CPM: variants seen among roughly 807,000 people sequenced by gnomAD.
CPM encodes the protein renal carboxypeptidase.
A neutral mutation model predicts 46.4 loss-of-function variants in CPM; 35 were observed. The observed-to-expected ratio is 0.75, with a 90% CI of 0.58 to 1.00. CPM has a LOEUF of 1.00. Ranked by LOEUF, CPM falls within the 50% of genes least tolerant of loss-of-function variation. The pLI is 0.00. For synonymous variants in CPM, 195 were observed against 195.3 expected (o/e 1.00, Z 0.01); for missense variants, 422 against 530.4 (o/e 0.80, Z 2.01).
intron 5 of CPM, 134 bp from the exon 6 acceptor site, chr12:68,869,629 C>A: frequency 1.4e-6 from 1 of 734,708 alleles, no homozygotes; most frequent in Non-Finnish European, 2.1e-6. Context: ...CCTTCATCCA[C>A]CTCCTCTATT....
intron 3 of CPM, among the ~76,000 whole-genome samples, chr12:68,881,455 T>G (rs1886186302): frequency 6.6e-6 from 1 of 152,190 alleles, no homozygotes; most frequent in South Asian, 2.1e-4. Context: ...ATTTGGGTAA[T>G]TTTAGAGACA....
chr12:68,894,984 G>A (rs1021531633), intron 2 of CPM, among the ~76,000 whole-genome samples: 5 of 136,396 alleles, frequency 3.7e-5, no homozygotes, highest in Admixed American at 8.4e-5. Context: ...AGCCGAGATC[G>A]CACCGCTGCA....
intron 2 of CPM, among the ~76,000 whole-genome samples, chr12:68,927,184 T>C (rs1342189246): frequency 6.6e-6 from 1 of 151,308 alleles, no homozygotes; most frequent in Non-Finnish European, 1.5e-5. Context: ...CCACCAACAG[T>C]GTAAAAGTGT....
At chr12:68,888,903 A>G (rs1488148696) in intron 2 of CPM, among the ~76,000 whole-genome samples, 1 of 152,252 alleles carries the variant, frequency 6.6e-6, no homozygotes, top group Non-Finnish European at 1.5e-5. Context: ...TCTCTAAGAC[A>G]AGAAAGCAGA....
chr12:68,936,076 G>C (rs532002672), upstream of CPM, among the ~76,000 whole-genome samples: 1 of 152,242 alleles, frequency 6.6e-6, no homozygotes, highest in Non-Finnish European at 1.5e-5. Flanking sequence ...GGAGGTAGGG[G>C]GTACAGAGGA....
At chr12:68,868,118 C>T (rs1463094435) in intron 6 of CPM, among the ~76,000 whole-genome samples, 1 of 152,102 alleles carries the variant, frequency 6.6e-6, no homozygotes, top group Non-Finnish European at 1.5e-5. Flanking sequence ...GATTTGCCTT[C>T]GAAAGTTAGA....
At chr12:68,905,440 CCAGCTAATTTTTGTACTTTTTGT>C (rs1029849822) in intron 2 of CPM, among the ~76,000 whole-genome samples, 8 of 151,166 alleles carry the variant, frequency 5.3e-5, no homozygotes, top group African/African-American at 1.9e-4. Context: ...ACCACCATAC[CCAGCTAATTTTTGTACTTTTTGT>C]AAAGACAGGG....
At chr12:68,946,445 T>G (rs1410928152) in intron 1 of CPM, among the ~76,000 whole-genome samples, 1 of 152,186 alleles carries the variant, frequency 6.6e-6, no homozygotes, top group Non-Finnish European at 1.5e-5. Flanking sequence ...AGCCAAAGAT[T>G]TATTTGTGCC....
intron 2 of CPM, among the ~76,000 whole-genome samples, chr12:68,893,983 C>A (rs73146621): frequency 0.012 from 1,878 of 152,222 alleles, 20 homozygotes; most frequent in Middle Eastern, 0.02. Context: ...AGTATGCTAA[C>A]CCTGCAATGG....
intron 2 of CPM, among the ~76,000 whole-genome samples, chr12:68,923,687 G>T (rs1044105596): frequency 2.6e-5 from 4 of 152,160 alleles, no homozygotes; most frequent in Admixed American, 1.3e-4. Flanking sequence ...GTATCCATAT[G>T]CAATAACTTG....
At chr12:68,850,484 A>C (rs1232162952), downstream of CPM, 1 of 152,156 alleles carries the variant, frequency 6.6e-6, no homozygotes, top group Non-Finnish European at 1.5e-5. Flanking sequence ...GCAATGTCTC[A>C]TTTAAACTAT....
intron 2 of CPM, among the ~76,000 whole-genome samples, chr12:68,914,294 CAA>C (rs942903755): frequency 4.6e-5 from 7 of 151,150 alleles, no homozygotes; most frequent in African/African-American, 1.5e-4. Flanking sequence ...CAATTTAGCA[CAA>C]AAGTCTGTAT....
In CPM at chr12:68,855,737, G is replaced by GTTTGTTTTTTTT. The variant is rs1336573913; in HGVS notation, c.*699_*700insAAAAAAAACAAA. 7.0e-6 allele frequency: 1 copy of GTTTGTTTTTTTT among 142,054 alleles called. No individual in the cohort carries two copies. Among genetic ancestry groups the GTTTGTTTTTTTT allele is most frequent in the African/African-American group, 2.9e-5 (1 of 33,932 alleles). 8.8% of individuals were successfully genotyped at this position (142,054 alleles called of 1,614,324 possible). A position where few individuals can be genotyped will look rare whatever the true frequency, so the allele number is the denominator to read the frequency against. On this transcript the variant is annotated 3_prime_UTR_variant, in exon 9 of 9. Coordinates refer to ENST00000551568, the MANE Select transcript of CPM (RefSeq NM_198320.5). Reference sequence around the variant, plus strand: ...GGTGAGGTGTTTTTTTTGTTTGTTTGTTTTTGTTTTTTTTTTTTTGAGACA... The same window carrying GTTTGTTTTTTTT: ...GGTGAGGTGTTTTTTTTGTTTGTTTGTTTGTTTTTTTTTTTTTGTTTTTTTTTTTTTGAGACA...
intron 2 of CPM, among the ~76,000 whole-genome samples, chr12:68,925,082 A>G (rs925089061): frequency 2.0e-5 from 3 of 152,236 alleles, no homozygotes; most frequent in African/African-American, 7.2e-5. Flanking sequence ...CATAACAATG[A>G]GAAATACATA....
At chr12:68,873,899 G>A (rs1216588680) in intron 3 of CPM, among the ~76,000 whole-genome samples, 3 of 151,694 alleles carry the variant, frequency 2.0e-5, no homozygotes, top group Non-Finnish European at 4.4e-5. Flanking sequence ...TCCGTCTCCT[G>A]GATTCAAGCA....
chr12:68,904,503 G>T (rs918101300), intron 2 of CPM, among the ~76,000 whole-genome samples: 9 of 152,326 alleles, frequency 5.9e-5, no homozygotes, highest in Non-Finnish European at 1.2e-4. Context: ...TGGGCTTCAG[G>T]ATGAGGCAGA....
rs1470064475 is a variant in CPM at position 68,852,301 on chromosome 12, G to A, written c.*4136C>T. 2.0e-5 allele frequency: 3 copies of A among 152,162 alleles called. No individual in the cohort carries two copies. The highest frequency in any genetic ancestry group is 2.9e-5 in the Non-Finnish European group (2 of 68,036). 9.4% of individuals were successfully genotyped at this position (152,162 alleles called of 1,614,324 possible). On this transcript the variant is annotated 3_prime_UTR_variant, in exon 9 of 9. Coordinates refer to ENST00000551568, the MANE Select transcript of CPM (RefSeq NM_198320.5). ...CTCTTTGCCATTTAGATTCAATCAT[G>A]TCAACATTTACCAACATTTGAGTAG... is the stretch of plus-strand genomic sequence containing the variant.
At chr12:68,895,402 G>A (rs1240493659) in intron 2 of CPM, among the ~76,000 whole-genome samples, 3 of 152,180 alleles carry the variant, frequency 2.0e-5, no homozygotes, top group Non-Finnish European at 4.4e-5. Flanking sequence ...CTGGAGGGAA[G>A]GTGACAGGGA....
intron 2 of CPM, among the ~76,000 whole-genome samples, chr12:68,909,374 AT>A (rs373555543): frequency 2.1e-4 from 32 of 150,668 alleles, no homozygotes; most frequent in Admixed American, 8.6e-4. Context: ...TAAAATGGAG[AT>A]TTTTTTTTTC....
Sources: allele counts gnomAD v4.1 joint callset (sites outside exome capture counted in the v4.1 genomes callset), GRCh38; gene constraint gnomAD v4.1.1; transcripts MANE v1.5; gene names NCBI Gene and HGNC (gene_info 2026-07-23, HGNC 2026-07-21).